The following ZNF438 variants were observed in gnomAD, a reference collection of about 807,000 sequenced individuals.
The protein encoded by ZNF438 is zinc finger protein 438.
A neutral mutation model predicts 38.0 loss-of-function variants in ZNF438; 25 were observed. The observed-to-expected ratio is 0.66, with a 90% confidence interval of 0.48 to 0.92. ZNF438 has a LOEUF of 0.92. ZNF438 is among the 40% of genes least tolerant of loss of function. ZNF438 has a pLI of 0.00. For synonymous variants in ZNF438, 372 were observed against 364.1 expected (o/e 1.02, Z -0.25); for missense variants, 1,007 against 999.6 (o/e 1.01, Z -0.10).
intron 1 of ZNF438, among the ~76,000 whole-genome samples, chr10:30,994,652 T>C (rs547681323): frequency 6.6e-6 from 1 of 152,294 alleles, no homozygotes; most frequent in South Asian, 2.1e-4. Context: ...CTTATTGGTA[T>C]TGGTCTTTGG....
intron 1 of ZNF438, among the ~76,000 whole-genome samples, chr10:30,967,416 A>T (rs1343817741): frequency 6.6e-6 from 1 of 152,248 alleles, no homozygotes; most frequent in Non-Finnish European, 1.5e-5. Flanking sequence ...TGATCTACTG[A>T]TAAGTAGGCT....
intron 2 of ZNF438, among the ~76,000 whole-genome samples, chr10:30,917,150 G>A (rs1226473302): frequency 2.0e-5 from 3 of 151,948 alleles, no homozygotes; most frequent in Non-Finnish European, 4.4e-5. Context: ...CCATCCCCTA[G>A]AAGCAACGAC....
intron 1 of ZNF438, among the ~76,000 whole-genome samples, chr10:31,001,800 T>A: frequency 6.6e-6 from 1 of 152,306 alleles, no homozygotes; most frequent in Non-Finnish European, 1.5e-5. Flanking sequence ...TCAATAGTTA[T>A]TGAATAATTA....
At chr10:31,027,803 A>C (rs1481662809) in intron 1 of ZNF438, among the ~76,000 whole-genome samples, 1 of 152,186 alleles carries the variant, frequency 6.6e-6, no homozygotes, top group African/African-American at 2.4e-5. Flanking sequence ...TGTTTAGAGT[A>C]ATCATAGATC....
In ZNF438 at chr10:30,973,830, A is replaced by G. The variant is rs562965225; in HGVS notation, c.-191-32179T>C. Reference sequence around the variant, plus strand: ...GCTGCATAGATTTTATTCAGTCAGCACTCGTTCCCAGCTCTTTCACAACTG... The same window carrying G: ...GCTGCATAGATTTTATTCAGTCAGCGCTCGTTCCCAGCTCTTTCACAACTG... On this transcript the variant is annotated intron_variant, in intron 1 of 5. Coordinates refer to ENST00000413025, the Ensembl canonical transcript of ZNF438. 7.2e-5 allele frequency among the ~76,000 whole-genome samples: 11 copies of G among 152,170 alleles called. No homozygotes were observed. The East Asian group carries it at 1.2e-3, about 16-fold the overall frequency.
At chr10:30,956,938 T>C (rs1184225346) in intron 1 of ZNF438, among the ~76,000 whole-genome samples, 1 of 152,206 alleles carries the variant, frequency 6.6e-6, no homozygotes, top group Non-Finnish European at 1.5e-5. Flanking sequence ...ATATGGTAGT[T>C]CTGTTATTAA....
chr10:30,949,632 C>T (rs1010374366), intron 1 of ZNF438, among the ~76,000 whole-genome samples: 28 of 152,068 alleles, frequency 1.8e-4, no homozygotes, highest in Non-Finnish European at 3.5e-4. Context: ...TTTAAACCAA[C>T]AAAGATCAAA....
intron 4 of ZNF438, chr10:30,857,556 A>G: frequency 1.3e-6 from 1 of 797,654 alleles, no homozygotes; most frequent in Non-Finnish European, 1.9e-6. Flanking sequence ...CATCTGGCCT[A>G]AAATTTCTAT....
intron 4 of ZNF438, among the ~76,000 whole-genome samples, chr10:30,872,366 CAGTGAGCCGAGAT>C (rs1467222586): frequency 9.4e-6 from 1 of 105,874 alleles, no homozygotes; most frequent in Non-Finnish European, 2.3e-5. Flanking sequence ...GTGGAGATTG[CAGTGAGCCGAGAT>C]TGCACCACTG....
intron 1 of ZNF438, among the ~76,000 whole-genome samples, chr10:30,968,531 C>T (rs2050396996): frequency 6.8e-6 from 1 of 146,840 alleles, no homozygotes; most frequent in Admixed American, 6.8e-5. Flanking sequence ...ACAACCTCCA[C>T]CTCCCGGGTT....
intron 1 of ZNF438, among the ~76,000 whole-genome samples, chr10:30,947,949 A>T (rs1452205897): frequency 1.3e-5 from 2 of 152,194 alleles, no homozygotes; most frequent in African/African-American, 2.4e-5. Context: ...AGTACCTCAG[A>T]TGGAAATGCA....
intron 1 of ZNF438, among the ~76,000 whole-genome samples, chr10:30,966,708 G>A (rs115410623): frequency 0.011 from 1,717 of 151,604 alleles, 27 homozygotes; most frequent in African/African-American, 0.038. Context: ...CCTATTGTGT[G>A]ACAGGCTCTG....
chr10:31,013,647 C>A (rs1200849250), intron 1 of ZNF438, among the ~76,000 whole-genome samples: 1 of 152,120 alleles, frequency 6.6e-6, no homozygotes, highest in Non-Finnish European at 1.5e-5. Flanking sequence ...AAGAAACTTC[C>A]CGCTCAAAGC....
intron 1 of ZNF438, among the ~76,000 whole-genome samples, chr10:31,007,698 T>C (rs1168727725): frequency 6.6e-6 from 1 of 152,212 alleles, no homozygotes; most frequent in Admixed American, 6.5e-5. Flanking sequence ...AGATAACATA[T>C]ATAAAGTACC....
intron 3 of ZNF438, among the ~76,000 whole-genome samples, chr10:30,887,384 T>C (rs1306842569): frequency 6.6e-6 from 1 of 152,152 alleles, no homozygotes; most frequent in Non-Finnish European, 1.5e-5. Context: ...ATAAACTCTT[T>C]TTTTTTGAGA....
intron 2 of ZNF438, among the ~76,000 whole-genome samples, chr10:30,911,429 T>A (rs903567703): frequency 1.3e-5 from 2 of 152,180 alleles, no homozygotes; most frequent in Non-Finnish European, 2.9e-5. Context: ...TCACTACAGA[T>A]GTTTGCTTTA....
rs148271275 is a variant in ZNF438 at position 30,964,504 on chromosome 10, T to C, written c.-191-22853A>G. Among the ~76,000 whole-genome samples, 9 of 152,080 alleles carry C rather than the reference T, an allele frequency of 5.9e-5. No homozygotes were observed. In the East Asian group the frequency reaches 1.7e-3, roughly 29 times the overall value. ...CAAGGTGATGCACATCTCTGGAGAG[T>C]CCACAATACCAGGCACAATGCTGTT... On this transcript the variant is annotated intron_variant, in intron 1 of 5. Coordinates refer to ENST00000413025, the Ensembl canonical transcript of ZNF438.
intron 3 of ZNF438, among the ~76,000 whole-genome samples, chr10:30,884,167 A>C (rs1202865779): frequency 6.6e-6 from 1 of 152,158 alleles, no homozygotes; most frequent in Non-Finnish European, 1.5e-5. Context: ...TGTATTCCTA[A>C]TATCTTGGTA....
chr10:30,890,901 TTC>T (rs2040600485), intron 3 of ZNF438, among the ~76,000 whole-genome samples: 1 of 152,192 alleles, frequency 6.6e-6, no homozygotes, highest in South Asian at 2.1e-4. Flanking sequence ...AAGATTTACT[TTC>T]TCTCTCATCA....
Sources: allele counts gnomAD v4.1 joint callset (sites outside exome capture counted in the v4.1 genomes callset), GRCh38; gene constraint gnomAD v4.1.1; transcripts MANE v1.5; gene names NCBI Gene and HGNC (gene_info 2026-07-23, HGNC 2026-07-21).